Variants in ARSB observed in about 807,000 individuals in gnomAD.
ARSB encodes N-acetylgalactosamine-4-sulfatase.
ARSB carries 41 observed loss-of-function variants against 50.9 expected under a neutral mutation model. That is an observed-to-expected ratio of 0.81 (90% CI 0.63 to 1.04). ARSB has a LOEUF of 1.04. Ranked by LOEUF, ARSB falls within the 50% of genes least tolerant of loss-of-function variation. ARSB has a pLI of 0.00. For synonymous variants in ARSB, 269 were observed against 284.8 expected, an observed-to-expected ratio of 0.94 and a Z score of 0.56; for missense variants, 672 against 693.3, an observed-to-expected ratio of 0.97 and a Z score of 0.35.
chr5:78,848,722 C>G (rs1745585506), intron 5 of ARSB, among the ~76,000 whole-genome samples: 1 of 152,232 alleles, frequency 6.6e-6, no homozygotes, highest in Non-Finnish European at 1.5e-5. Context: ...CACATCCTCT[C>G]TAGCACCTGT....
chr5:78,930,432 A>G (rs1460408439), intron 4 of ARSB, among the ~76,000 whole-genome samples: 1 of 94,322 alleles, frequency 1.1e-5, no homozygotes, highest in African/African-American at 5.6e-5. Flanking sequence ...AGATGGAAAC[A>G]AAAGAAAAAG....
chr5:78,909,075 T>C (rs1320594193), intron 4 of ARSB, among the ~76,000 whole-genome samples: 1 of 152,252 alleles, frequency 6.6e-6, no homozygotes, highest in Non-Finnish European at 1.5e-5. Flanking sequence ...CAGTGACATT[T>C]CATGCAAGGA....
intron 4 of ARSB, among the ~76,000 whole-genome samples, chr5:78,897,911 C>A (rs1421158165): frequency 6.6e-6 from 1 of 151,888 alleles, no homozygotes; most frequent in African/African-American, 2.4e-5. Flanking sequence ...TAAGTTCATT[C>A]AGGAAAAAAT....
chr5:78,978,698 T>C (rs1752772400), intron 1 of ARSB, among the ~76,000 whole-genome samples: 1 of 152,220 alleles, frequency 6.6e-6, no homozygotes, highest in Non-Finnish European at 1.5e-5. Context: ...AAGTCATACG[T>C]CTATGGTCAA....
At chr5:78,842,193 A>G (rs1745251355) in intron 5 of ARSB, among the ~76,000 whole-genome samples, 1 of 152,126 alleles carries the variant, frequency 6.6e-6, no homozygotes, top group African/African-American at 2.4e-5. Flanking sequence ...CTGATACTGC[A>G]ACCAAGAAGG....
chr5:78,818,050 A>G (rs909736723), intron 6 of ARSB, among the ~76,000 whole-genome samples: 4 of 152,132 alleles, frequency 2.6e-5, no homozygotes, highest in African/African-American at 9.7e-5. Flanking sequence ...CAGCTGGCTG[A>G]GGTAGGAGAA....
intron 6 of ARSB, among the ~76,000 whole-genome samples, chr5:78,787,546 T>C (rs2112627123): frequency 6.6e-6 from 1 of 152,340 alleles, no homozygotes; most frequent in Admixed American, 6.5e-5. Context: ...AATACAGCAC[T>C]GTGTTCTGGA....
At position 78,984,714 on chromosome 5, in the gene ARSB, G is replaced by A. The variant is rs554833114; in HGVS notation, c.312+223C>T. Among the ~76,000 whole-genome samples, 527 of 152,138 alleles carry A rather than the reference G, an allele frequency of 3.5e-3. 3 individuals are homozygous for A. Among genetic ancestry groups the A allele is most frequent in the Non-Finnish European group, 5.4e-3 (367 of 67,960 alleles). On this transcript the variant is annotated intron_variant, in intron 1 of 7. Coordinates refer to ENST00000264914, the MANE Select transcript of ARSB (RefSeq NM_000046.5). ...GCCACCCGCCCAACCCGGCGGCCGG[G>A]GCGCGGGTCCGCGGGGCGCCAGAGC...
At chr5:78,889,087 A>G (rs533113873) in intron 4 of ARSB, among the ~76,000 whole-genome samples, 1 of 152,336 alleles carries the variant, frequency 6.6e-6, no homozygotes, top group East Asian at 1.9e-4. Flanking sequence ...ATGGGGCAGA[A>G]TCCACTGAGT....
intron 6 of ARSB, among the ~76,000 whole-genome samples, chr5:78,824,673 T>C (rs1218142322): frequency 6.6e-6 from 1 of 152,254 alleles, no homozygotes; most frequent in Non-Finnish European, 1.5e-5. Flanking sequence ...CCTGCTGTTT[T>C]CTTCCTCATT....
In ARSB at chr5:78,861,868, C is replaced by G. The variant is rs918339449; in HGVS notation, c.1143-22442G>C. On this transcript the variant is annotated intron_variant, in intron 5 of 7. Transcript: ENST00000264914. ...TGATTGTATATCTAGAAAACCCCATCATCTCAGCCCAAAATCTCCTTAAGC... is the reference window on the plus strand; with the variant it reads ...TGATTGTATATCTAGAAAACCCCATGATCTCAGCCCAAAATCTCCTTAAGC... 3.3e-5 allele frequency among the ~76,000 whole-genome samples: 5 copies of G among 152,190 alleles called. No individual in the cohort carries two copies. In the East Asian group the frequency reaches 5.8e-4, roughly 18 times the overall value.
intron 4 of ARSB, among the ~76,000 whole-genome samples, chr5:78,910,972 A>G (rs1749281605): frequency 1.3e-5 from 2 of 152,210 alleles, no homozygotes; most frequent in African/African-American, 4.8e-5. Flanking sequence ...CTAATACAAT[A>G]AAGTCAAGTG....
intron 6 of ARSB, among the ~76,000 whole-genome samples, chr5:78,812,787 G>A (rs1743863295): frequency 6.6e-6 from 1 of 152,090 alleles, no homozygotes; most frequent in Non-Finnish European, 1.5e-5. Flanking sequence ...GAGCTCAGGA[G>A]TTCAAGACCA....
At chr5:78,813,835 T>G (rs1482142396) in intron 6 of ARSB, among the ~76,000 whole-genome samples, 1 of 152,246 alleles carries the variant, frequency 6.6e-6, no homozygotes, top group Non-Finnish European at 1.5e-5. Context: ...TCTCATTTTG[T>G]ATTTATTATG....
chr5:78,851,996 G>A (rs907081620), intron 5 of ARSB, among the ~76,000 whole-genome samples: 10 of 152,004 alleles, frequency 6.6e-5, no homozygotes, highest in African/African-American at 1.9e-4. Flanking sequence ...CACACTAATG[G>A]GTCTTGACTC....
intron 6 of ARSB, among the ~76,000 whole-genome samples, chr5:78,801,756 G>C (rs1016860098): frequency 2.0e-5 from 3 of 152,082 alleles, no homozygotes; most frequent in African/African-American, 7.2e-5. Flanking sequence ...ACCCTCTCAT[G>C]CACAGCCTTC....
At chr5:78,984,481 T>G (rs1753051381) in intron 1 of ARSB, among the ~76,000 whole-genome samples, 1 of 152,146 alleles carries the variant, frequency 6.6e-6, no homozygotes, top group African/African-American at 2.4e-5. Flanking sequence ...GGTGGGACAC[T>G]CCTAACCTAT....
chr5:78,859,162 T>C (rs12187930), intron 5 of ARSB, among the ~76,000 whole-genome samples: 19,120 of 152,142 alleles, frequency 0.13, 1,403 homozygotes, highest in Middle Eastern at 0.21. Context: ...TGAAAAGCCA[T>C]TTCAACATGC....
At chr5:78,805,556 A>T (rs1743528336) in intron 6 of ARSB, among the ~76,000 whole-genome samples, 1 of 152,142 alleles carries the variant, frequency 6.6e-6, no homozygotes, top group Middle Eastern at 3.2e-3. Context: ...CAGAGGTAGG[A>T]ACCATTTCTG....
Sources: gnomAD v4.1 joint callset for allele counts (sites outside exome capture counted in the v4.1 genomes callset) on GRCh38, gnomAD v4.1.1 for gene constraint, MANE v1.5 for transcripts, NCBI Gene and HGNC (gene_info 2026-07-23, HGNC 2026-07-21) for gene names.